The following REPS2 variants were observed in gnomAD, a reference collection of about 807,000 sequenced individuals.
The protein encoded by REPS2 is RALBP1 associated Eps domain containing 2, also known as ralBP1-associated Eps domain-containing protein 2.
A neutral mutation model predicts 53.6 loss-of-function variants in REPS2; 23 were observed. That is an observed-to-expected ratio of 0.43 (90% confidence interval 0.31 to 0.61). The LOEUF is 0.61. Ranked by LOEUF, REPS2 falls within the 20% of genes least tolerant of loss-of-function variation. REPS2 has a pLI of 0.11. For synonymous variants in REPS2, 238 were observed against 218.6 expected, an observed-to-expected ratio of 1.09 and a Z score of -0.78; for missense variants, 446 against 534.9, an observed-to-expected ratio of 0.83 and a Z score of 1.64.
chrX:17,101,371 A>G (rs1279242066), intron 13 of REPS2, among the ~76,000 whole-genome samples: 1 of 110,538 alleles, frequency 9.0e-6, no homozygotes, highest in Non-Finnish European at 1.9e-5. Context: ...CTCTATGCCA[A>G]CTCTTACAAT....
At chrX:17,020,116 G>A (rs1211767565) in intron 2 of REPS2, among the ~76,000 whole-genome samples, 2 of 111,819 alleles carry the variant, frequency 1.8e-5, no homozygotes, top group African/African-American at 6.5e-5. Flanking sequence ...GCCATAGACA[G>A]GGTGGAAGAA....
chrX:16,998,047 C>CA (rs1393185154), intron 1 of REPS2, among the ~76,000 whole-genome samples: 1 of 101,315 alleles, frequency 9.9e-6, no homozygotes, highest in Non-Finnish European at 2.0e-5. Flanking sequence ...GAGTTCAAGA[C>CA]CAGCCTGGGC....
intron 13 of REPS2, chrX:17,099,951 C>G (rs1382382036): frequency 8.7e-7 from 1 of 1,154,364 alleles, no homozygotes; most frequent in Non-Finnish European, 1.2e-6. Flanking sequence ...GTCTGTAGCT[C>G]CAATAATCTG....
At chrX:16,965,429 C>A (rs1380074678) in intron 1 of REPS2, among the ~76,000 whole-genome samples, 28 of 110,166 alleles carry the variant, frequency 2.5e-4, no homozygotes, top group African/African-American at 8.6e-4. Flanking sequence ...ACTTCCCAGA[C>A]GGGGTGGCTG....
the REPS2 span, among the ~76,000 whole-genome samples, chrX:17,176,114 G>T: frequency 5.4e-5 from 6 of 111,785 alleles, 1 homozygote; most frequent in South Asian, 2.3e-3. Context: ...ACAGACAGCT[G>T]GGATAGCCCA....
intron 7 of REPS2, 147 bp downstream of exon 7, chrX:17,052,592 G>T: frequency 2.5e-6 from 1 of 398,018 alleles, no homozygotes; most frequent in East Asian, 4.2e-5. Context: ...TTTTGTTGCT[G>T]TGAAAATTAA....
At chrX:17,015,320 G>A (rs2061477686) in intron 2 of REPS2, among the ~76,000 whole-genome samples, 1 of 112,409 alleles carries the variant, frequency 8.9e-6, no homozygotes, top group Non-Finnish European at 1.9e-5. Flanking sequence ...CAACCTTATT[G>A]ATTTAGTAGG....
intron 14 of REPS2, among the ~76,000 whole-genome samples, chrX:17,130,728 G>A (rs2063280607): frequency 6.8e-5 from 2 of 29,578 alleles, no homozygotes; most frequent in South Asian, 2.9e-3. Flanking sequence ...ACTCAGGCCT[G>A]AGAATACCTG....
At chrX:17,050,204 T>TTTCTTTTCTTTTCTTTTC (rs1569148746) in intron 6 of REPS2, among the ~76,000 whole-genome samples, 3 of 81,214 alleles carry the variant, frequency 3.7e-5, no homozygotes, top group Non-Finnish European at 6.7e-5. Context: ...CTTTTTTTTT[T>TTTCTTTTCTTTTCTTTTC]TTTTTTGACA....
At chrX:17,140,277 A>G (rs1291216365) in intron 17 of REPS2, among the ~76,000 whole-genome samples, 1 of 110,901 alleles carries the variant, frequency 9.0e-6, no homozygotes, top group Non-Finnish European at 1.9e-5. Context: ...ATTCTACACA[A>G]TTGATCATTT....
chrX:17,120,847 G>A (rs1029422299), intron 14 of REPS2, among the ~76,000 whole-genome samples: 1 of 111,911 alleles, frequency 8.9e-6, no homozygotes, highest in Non-Finnish European at 1.9e-5. Flanking sequence ...CACGCATAGC[G>A]CATCTTCAAC....
At position 17,025,087 on chromosome X, in the gene REPS2, C is replaced by G. The variant is rs368938823; in HGVS notation, c.575C>G (p.Pro192Arg). 5 of 1,209,855 alleles carry G rather than the reference C, an allele frequency of 4.1e-6. No homozygotes were observed. The highest frequency in any genetic ancestry group is 5.6e-6 in the Non-Finnish European group (5 of 895,132). The change falls in exon 4 of 18, where the codon CCC (proline) becomes CGC (arginine). Residue 192 changes from proline to arginine, a missense_variant. Pro to Arg is a moderately radical substitution (Grantham distance 103, BLOSUM62 -2). Transcript: ENST00000357277. ...GAAACACAGTCTCCCACGATGTCAC[C>G]CCTCGCCTCCCCTCCTTCTTCCCCG... ...QQETQSPTMS[P>R]LASPPSSPPH...
In REPS2 at chrX:17,147,953, T is replaced by A. The variant is rs1353312699; in HGVS notation, c.*472T>A. The A allele has an allele frequency of 8.8e-6, 1 of 113,142 alleles. No homozygotes were observed. The highest frequency in any genetic ancestry group is 3.2e-5 in the African/African-American group (1 of 30,879). 9.3% of individuals were successfully genotyped at this position (113,142 alleles called of 1,213,427 possible). A position where few individuals can be genotyped will look rare whatever the true frequency, so the allele number is the denominator to read the frequency against. On this transcript the variant is annotated 3_prime_UTR_variant, in exon 18 of 18. Transcript: ENST00000357277. Reference sequence around the variant, plus strand: ...AATTGGGATTCCAACTAGATAGTCATTGGTGTGACCATAATAAAAACAAAA... The same window carrying A: ...AATTGGGATTCCAACTAGATAGTCAATGGTGTGACCATAATAAAAACAAAA...
chrX:17,020,749 C>CTCCTGA (rs2147842086), intron 2 of REPS2, among the ~76,000 whole-genome samples: 1 of 110,770 alleles, frequency 9.0e-6, no homozygotes, highest in East Asian at 2.8e-4. Context: ...CTGCCTCAGC[C>CTCCTGA]TCCTGAGTAG....
At chrX:16,950,759 A>C (rs771498933) in intron 1 of REPS2, among the ~76,000 whole-genome samples, 112 of 112,990 alleles carry the variant, frequency 9.9e-4, no homozygotes, top group African/African-American at 3.6e-3. Flanking sequence ...ATCCAAAAAT[A>C]AAATGTCAGC....
chrX:17,183,271 G>A, the REPS2 span, among the ~76,000 whole-genome samples: 1 of 111,928 alleles, frequency 8.9e-6, no homozygotes, highest in Non-Finnish European at 1.9e-5. Flanking sequence ...TAAGTATGAG[G>A]AAAACTTCAT....
At chrX:16,965,853 A>G (rs1463765601) in intron 1 of REPS2, among the ~76,000 whole-genome samples, 2 of 112,856 alleles carry the variant, frequency 1.8e-5, no homozygotes, top group South Asian at 3.6e-4. Flanking sequence ...TCCGTCTGCA[A>G]TCCCGGCACC....
chrX:17,026,849 G>A (rs989772371), intron 4 of REPS2, among the ~76,000 whole-genome samples: 6 of 111,664 alleles, frequency 5.4e-5, no homozygotes, highest in African/African-American at 2.0e-4. Context: ...GTGCACTGGC[G>A]CGATCATGGC....
intron 1 of REPS2, among the ~76,000 whole-genome samples, chrX:16,964,731 C>T (rs1266382045): frequency 2.0e-5 from 2 of 102,249 alleles, no homozygotes; most frequent in Admixed American, 2.0e-4. Context: ...CCAGTAGGGG[C>T]GGCCGGGCAG....
Sources: gnomAD v4.1 joint callset for allele counts (sites outside exome capture counted in the v4.1 genomes callset) on GRCh38, gnomAD v4.1.1 for gene constraint, MANE v1.5 for transcripts, NCBI Gene and HGNC (gene_info 2026-07-23, HGNC 2026-07-21) for gene names.